The following ROBO2 variants were observed in gnomAD, a reference collection of about 807,000 sequenced individuals.
The protein encoded by ROBO2 is roundabout guidance receptor 2.
In ROBO2, 53 loss-of-function variants were observed where a neutral mutation model predicts 160.8. The ratio of observed to expected loss-of-function variants is 0.33; its 90% CI spans 0.26 to 0.41. ROBO2 has a LOEUF of 0.41. Among genes scored for constraint, ROBO2 ranks in the 10% least tolerant of loss-of-function variants. The pLI is 1.00. For synonymous variants in ROBO2, 664 were observed against 611.7 expected (o/e 1.09, Z -1.26); for missense variants, 1,577 against 1,722.4 (o/e 0.92, Z 1.49).
intron 2 of ROBO2, among the ~76,000 whole-genome samples, chr3:76,382,322 C>G (rs893937281): frequency 6.6e-6 from 1 of 152,224 alleles, no homozygotes; most frequent in Non-Finnish European, 1.5e-5. Flanking sequence ...GGCGCGGTGA[C>G]TCACGCCTGT....
intron 1 of ROBO2, chr3:77,092,145 TGAA>T (rs2070376952): frequency 6.6e-6 from 1 of 151,776 alleles, no homozygotes; most frequent in East Asian, 1.9e-4. Context: ...GGCAAATTCA[TGAA>T]GAATTAGAAA....
intron 2 of ROBO2, among the ~76,000 whole-genome samples, chr3:76,113,167 T>A (rs915982669): frequency 6.6e-6 from 1 of 152,060 alleles, no homozygotes; most frequent in Non-Finnish European, 1.5e-5. Flanking sequence ...AAAAACAACG[T>A]TAATCATTAA....
At chr3:77,234,776 A>G (rs1429684735) in intron 2 of ROBO2, among the ~76,000 whole-genome samples, 1 of 152,194 alleles carries the variant, frequency 6.6e-6, no homozygotes, top group Non-Finnish European at 1.5e-5. Context: ...ACAGAATTAA[A>G]AATTCAATGA....
intron 2 of ROBO2, among the ~76,000 whole-genome samples, chr3:76,589,732 T>C (rs548132171): frequency 1.3e-5 from 2 of 152,302 alleles, no homozygotes; most frequent in Non-Finnish European, 2.9e-5. Context: ...AATGTTGTAT[T>C]AATGTGACTC....
intron 2 of ROBO2, among the ~76,000 whole-genome samples, chr3:76,537,798 G>T (rs904579468): frequency 1.3e-5 from 2 of 152,108 alleles, no homozygotes; most frequent in African/African-American, 4.8e-5. Context: ...GGAGATAGGG[G>T]AGGGGCAGCT....
exon 26 of ROBO2, chr3:77,646,921 T>C (rs896093723): frequency 2.0e-5 from 3 of 152,544 alleles, no homozygotes; most frequent in African/African-American, 7.2e-5. Context: ...AAGAGGAAAT[T>C]AAGGTGTTTT....
chr3:77,369,481 A>C (rs557720223), intron 2 of ROBO2, among the ~76,000 whole-genome samples: 2 of 152,266 alleles, frequency 1.3e-5, no homozygotes, highest in South Asian at 4.1e-4. Flanking sequence ...TATAATGTTG[A>C]GTGATGCTAG....
At chr3:76,001,455 C>A (rs2107564812) in intron 2 of ROBO2, among the ~76,000 whole-genome samples, 1 of 152,260 alleles carries the variant, frequency 6.6e-6, no homozygotes, top group South Asian at 2.1e-4. Context: ...ATTTTCTTCT[C>A]ATTGAAACTT....
chr3:76,906,568 A>G (rs2075619375), intron 2 of ROBO2, among the ~76,000 whole-genome samples: 1 of 151,980 alleles, frequency 6.6e-6, no homozygotes, highest in South Asian at 2.1e-4. Context: ...TTGCTAATTC[A>G]TTTGATCTGA....
rs2092977433 is a variant in ROBO2 at position 76,698,400 on chromosome 3, T to A, written c.110-399614T>A. Among the ~76,000 whole-genome samples, 4 of 152,300 alleles carry A rather than the reference T, an allele frequency of 2.6e-5. No individual in the cohort carries two copies. The South Asian group carries it at 8.3e-4, about 32-fold the overall frequency. On this transcript the variant is annotated intron_variant, in intron 2 of 26. Coordinates refer to the ROBO2 transcript ENST00000487694. ...AGTGGTGTGTTTGGTAAATGTTTAA[T>A]AGCTGGTCTCTGGAAGGGGGTGGGG...
At chr3:76,107,953 C>T (rs1190922439) in intron 2 of ROBO2, among the ~76,000 whole-genome samples, 1 of 151,958 alleles carries the variant, frequency 6.6e-6, no homozygotes, top group African/African-American at 2.4e-5. Flanking sequence ...GGCATATTAG[C>T]TGTTTGTACT....
At chr3:76,734,156 G>T (rs201589335) in intron 2 of ROBO2, among the ~76,000 whole-genome samples, 2 of 152,026 alleles carry the variant, frequency 1.3e-5, no homozygotes, top group East Asian at 1.9e-4. Flanking sequence ...GGACAAAAAC[G>T]TCTAGCCCAT....
At chr3:76,266,035 A>G (rs980686158) in intron 2 of ROBO2, among the ~76,000 whole-genome samples, 1 of 152,206 alleles carries the variant, frequency 6.6e-6, no homozygotes, top group Non-Finnish European at 1.5e-5. Context: ...AAGGTTTTCA[A>G]CTAAAAGGAT....
chr3:77,579,293 C>A (rs1276843806), intron 15 of ROBO2, among the ~76,000 whole-genome samples: 1 of 152,058 alleles, frequency 6.6e-6, no homozygotes, highest in African/African-American at 2.4e-5. Flanking sequence ...AGACTTGCCA[C>A]CACTTTGTTC....
intron 2 of ROBO2, among the ~76,000 whole-genome samples, chr3:76,216,489 A>C (rs1703540244): frequency 6.6e-6 from 1 of 152,164 alleles, no homozygotes; most frequent in Admixed American, 6.5e-5. Context: ...TGGAAAACAG[A>C]AAAAGACATG....
chr3:76,511,945 G>A (rs1391872072), intron 2 of ROBO2, among the ~76,000 whole-genome samples: 2 of 152,150 alleles, frequency 1.3e-5, no homozygotes, highest in African/African-American at 4.8e-5. Context: ...TGTGAATCAA[G>A]TTGAGCATGA....
At chr3:76,174,611 A>G (rs1434438156) in intron 2 of ROBO2, among the ~76,000 whole-genome samples, 1 of 152,146 alleles carries the variant, frequency 6.6e-6, no homozygotes, top group African/African-American at 2.4e-5. Context: ...ATCATTTATT[A>G]AATAGGGAAT....
At chr3:76,522,150 A>G (rs1235005196) in intron 2 of ROBO2, among the ~76,000 whole-genome samples, 1 of 152,156 alleles carries the variant, frequency 6.6e-6, no homozygotes, top group Non-Finnish European at 1.5e-5. Context: ...TGTATCCAGT[A>G]TGTTTATGGG....
chr3:76,272,827 T>TAA (rs1424471022), intron 2 of ROBO2, among the ~76,000 whole-genome samples: 2 of 12,738 alleles, frequency 1.6e-4, no homozygotes, highest in East Asian at 0.016. Context: ...TATTTATATA[T>TAA]AAAATATATA....
Sources: gnomAD v4.1 joint callset for allele counts (sites outside exome capture counted in the v4.1 genomes callset) on GRCh38, gnomAD v4.1.1 for gene constraint, MANE v1.5 for transcripts, NCBI Gene and HGNC (gene_info 2026-07-23, HGNC 2026-07-21) for gene names.